ALS2: variants seen among roughly 807,000 people sequenced by gnomAD.
The protein encoded by ALS2 is alsin.
In ALS2, 117 loss-of-function variants were observed where a neutral mutation model predicts 203.4. The observed-to-expected ratio is 0.58, with a 90% CI of 0.50 to 0.67. The LOEUF is 0.67. ALS2 is among the 30% of genes least tolerant of loss of function. The pLI, the probability that ALS2 is intolerant of heterozygous loss-of-function variation, is 0.00. For missense variants in ALS2, 1,715 were observed against 1,989.4 expected (o/e 0.86, Z 2.62); for synonymous variants, 718 against 725.9 (o/e 0.99, Z 0.17).
At chr2:201,719,554 A>G (rs1363450067) in intron 23 of ALS2, among the ~76,000 whole-genome samples, 1 of 152,066 alleles carries the variant, frequency 6.6e-6, no homozygotes, top group Non-Finnish European at 1.5e-5. Flanking sequence ...ATGCCACTGC[A>G]CTCCAGGCTG....
intron 25 of ALS2, among the ~76,000 whole-genome samples, chr2:201,715,134 G>A (rs1690285773): frequency 6.6e-6 from 1 of 152,188 alleles, no homozygotes; most frequent in Non-Finnish European, 1.5e-5. Context: ...TCCTGTTCAC[G>A]CCTGCTCCAG....
intron 3 of ALS2, 78 bp from the exon 4 acceptor site, chr2:201,761,896 T>C: frequency 6.7e-7 from 1 of 1,481,998 alleles, no homozygotes; most frequent in South Asian, 1.2e-5. Context: ...AAACTTTTAG[T>C]CCCCTATAGA....
chr2:201,759,672 C>T (rs1431605044), intron 4 of ALS2: 1 of 984,696 alleles, frequency 1.0e-6, no homozygotes, highest in Admixed American at 6.2e-5. Context: ...TTTAAAAATT[C>T]AAATACCCAC....
At chr2:201,746,462 T>TA in intron 9 of ALS2, 104 bp downstream of exon 9, 1 of 1,346,078 alleles carries the variant, frequency 7.4e-7, no homozygotes, top group South Asian at 1.2e-5. Context: ...ATAAGGTAGT[T>TA]AGAGATGCTT....
chr2:201,756,550 A>G (rs1393402181), intron 5 of ALS2, among the ~76,000 whole-genome samples: 1 of 152,184 alleles, frequency 6.6e-6, no homozygotes, highest in East Asian at 1.9e-4. Context: ...AACAGGGCCT[A>G]CCATATGTTT....
intron 25 of ALS2, among the ~76,000 whole-genome samples, chr2:201,711,787 T>C (rs754479586): frequency 5.3e-5 from 8 of 152,228 alleles, no homozygotes; most frequent in Non-Finnish European, 1.0e-4. Context: ...AGATTTTAGA[T>C]AAACATATAA....
At chr2:201,740,828 T>C (rs929967068) in intron 11 of ALS2, among the ~76,000 whole-genome samples, 1 of 151,294 alleles carries the variant, frequency 6.6e-6, no homozygotes, top group African/African-American at 2.5e-5. Flanking sequence ...AATAAACACA[T>C]GTTATTATGT....
Position 201,746,621 on chromosome 2 carries a change from T to C in ALS2, c.1943A>G (p.Asn648Ser), listed in dbSNP as rs1310178279. Residue 648 changes from asparagine (N) to serine (S), a missense_variant, in exon 9 of 34, where the codon AAC (asparagine) becomes AGC (serine). This residue lies in a region of ALS2 where 1,227 missense variants were observed against 1,413.5 expected (regional missense o/e 0.87). Coordinates refer to ENST00000264276, the MANE Select transcript of ALS2 (RefSeq NM_020919.4). ...AGAACCACTGTGATTCTCTGGAAGGTTGTCACCTTCTGTAGGGTCCTGTCG... is the reference window on the plus strand; with the variant it reads ...AGAACCACTGTGATTCTCTGGAAGGCTGTCACCTTCTGTAGGGTCCTGTCG... ...SGRQDPTEGDNLPENHSGSKT... is the reference protein window; with the variant it reads ...SGRQDPTEGDSLPENHSGSKT... The C allele has an allele frequency of 6.8e-6, 11 of 1,614,066 alleles. No homozygotes were observed. The highest frequency in any genetic ancestry group is 2.2e-5 in the South Asian group (2 of 91,086).
In ALS2 at chr2:201,724,062, G is replaced by C. The variant is rs141734735; in HGVS notation, c.3512+233C>G. 0.012 allele frequency among the ~76,000 whole-genome samples: 1,820 copies of C among 152,224 alleles called. 36 individuals are homozygous for C. The highest frequency in any genetic ancestry group is 0.039 in the African/African-American group (1,638 of 41,530). On this transcript the variant is annotated intron_variant, in intron 21 of 33. Coordinates refer to ENST00000264276, the MANE Select transcript of ALS2 (RefSeq NM_020919.4). ...GAACCCAGGAGGCAGAGATTGCAGTGAGCTGAGATCGCACCACTCCAGCCT... is the reference window on the plus strand; with the variant it reads ...GAACCCAGGAGGCAGAGATTGCAGTCAGCTGAGATCGCACCACTCCAGCCT...
chr2:201,723,139 G>C lies in ALS2; in HGVS notation c.3625-19C>G. On this transcript the variant is annotated intron_variant, in intron 22 of 33. Transcript: ENST00000264276. ...CATTTCCCTACAAGAAGAAACAAGA[G>C]AAAAATTACAACACATAAAATACAG... The C allele has an allele frequency of 1.9e-6, 3 of 1,592,576 alleles. No homozygotes were observed. Among genetic ancestry groups the C allele is most frequent in the Non-Finnish European group, 2.6e-6 (3 of 1,160,668 alleles).
chr2:201,756,214 C>T (rs1199820189), intron 5 of ALS2, among the ~76,000 whole-genome samples: 1 of 151,816 alleles, frequency 6.6e-6, no homozygotes. Context: ...ACTTAAAATG[C>T]TAAAGGACAC....
At chr2:201,735,364 A>T (rs928499233) in intron 12 of ALS2, among the ~76,000 whole-genome samples, 3 of 152,346 alleles carry the variant, frequency 2.0e-5, no homozygotes, top group South Asian at 2.1e-4. Flanking sequence ...AAAATGATAA[A>T]TATGACATTA....
Position 201,749,868 on chromosome 2 carries a change from A to G in ALS2, c.1738-79T>C, listed in dbSNP as rs997176575. Reference sequence around the variant, plus strand: ...TCAACTCTGAACCTTTATAATAATTAACATATATACACAAATACCAACAAT... The same window carrying G: ...TCAACTCTGAACCTTTATAATAATTGACATATATACACAAATACCAACAAT... On this transcript the variant is annotated intron_variant, in intron 7 of 33. Transcript: ENST00000264276. 1.7e-5 allele frequency: 18 copies of G among 1,063,446 alleles called. No homozygotes were observed. The African/African-American group carries it at 2.2e-4, about 13-fold the overall frequency. The allele number at this position is 1,063,446 out of a possible 1,614,324, so 65.9% of individuals were successfully genotyped here. A position where few individuals can be genotyped will look rare whatever the true frequency, so the allele number is the denominator to read the frequency against.
chr2:201,701,786 G>T lies in ALS2; in HGVS notation c.*65C>A. 1 of 1,481,976 alleles carries T rather than the reference G, an allele frequency of 6.7e-7. No individual in the cohort carries two copies. Among genetic ancestry groups the T allele is most frequent in the South Asian group, 1.1e-5 (1 of 88,076 alleles). The allele number at this position is 1,481,976 out of a possible 1,614,324, so 91.8% of individuals were successfully genotyped here. On this transcript the variant is annotated 3_prime_UTR_variant, in exon 34 of 34. Coordinates refer to ENST00000264276, the MANE Select transcript of ALS2 (RefSeq NM_020919.4). ...ACACTGTTCTTTTTTGCCACTACAG[G>T]AAGACTCCAGATGGTGTTATAACAC... is the stretch of plus-strand genomic sequence containing the variant.
At chr2:201,744,785 C>T (rs1692521389) in intron 9 of ALS2, among the ~76,000 whole-genome samples, 1 of 152,072 alleles carries the variant, frequency 6.6e-6, no homozygotes, top group African/African-American at 2.4e-5. Context: ...GAAACAGACC[C>T]CCTGGATATA....
At chr2:201,744,487 G>T in intron 9 of ALS2, 58 bp from the exon 10 acceptor site, 1 of 1,537,478 alleles carries the variant, frequency 6.5e-7, no homozygotes, top group Non-Finnish European at 8.9e-7. Context: ...TACTAATTTG[G>T]TATACTGAAG....
At chr2:201,724,986 G>A (rs1363963354) in intron 20 of ALS2, among the ~76,000 whole-genome samples, 8 of 151,822 alleles carry the variant, frequency 5.3e-5, no homozygotes, top group Non-Finnish European at 1.0e-4. Flanking sequence ...GGTGGCGGGC[G>A]CCTGGAGTCC....
chr2:201,705,948 C>A (rs375743384), intron 29 of ALS2, among the ~76,000 whole-genome samples: 112 of 143,754 alleles, frequency 7.8e-4, no homozygotes, highest in Admixed American at 7.5e-4. Context: ...GACTCCGTCT[C>A]AAAAAAAAAA....
In ALS2 at chr2:201,746,766, T is replaced by C; in HGVS notation, c.1816-18A>G. 6.2e-7 allele frequency: 1 copy of C among 1,613,606 alleles called. No homozygotes were observed. The highest frequency in any genetic ancestry group is 8.5e-7 in the Non-Finnish European group (1 of 1,179,670). On this transcript the variant is annotated intron_variant, in intron 8 of 33. Coordinates refer to ENST00000264276, the MANE Select transcript of ALS2 (RefSeq NM_020919.4). Reference sequence around the variant, plus strand: ...CTGCTTATCTGCAACGACAGAAAGATAGTGTCTGTCCAAGATAAAGGCAAT... The same window carrying C: ...CTGCTTATCTGCAACGACAGAAAGACAGTGTCTGTCCAAGATAAAGGCAAT...
Sources: allele counts gnomAD v4.1 joint callset (sites outside exome capture counted in the v4.1 genomes callset), GRCh38; gene constraint gnomAD v4.1.1; regional missense constraint gnomAD v4.1.1; transcripts MANE v1.5; gene names NCBI Gene and HGNC (gene_info 2026-07-23, HGNC 2026-07-21).